IL1RAPL1: variants seen among roughly 807,000 people sequenced by gnomAD.
The protein encoded by IL1RAPL1 is interleukin 1 receptor accessory protein like 1.
In IL1RAPL1, 3 loss-of-function variants were observed where a neutral mutation model predicts 48.4. That is an observed-to-expected ratio of 0.06 (90% confidence interval 0.03 to 0.16). IL1RAPL1 has a LOEUF of 0.16. IL1RAPL1 is among the 10% of genes least tolerant of loss of function. The pLI, the probability that IL1RAPL1 is intolerant of heterozygous loss-of-function variation, is 1.00. For synonymous variants in IL1RAPL1, 185 were observed against 187.7 expected (o/e 0.99, Z 0.12); for missense variants, 349 against 530.6 (o/e 0.66, Z 3.36).
chrX:29,761,440 A>G (rs1483583169), intron 6 of IL1RAPL1, among the ~76,000 whole-genome samples: 1 of 111,762 alleles, frequency 8.9e-6, no homozygotes, highest in Non-Finnish European at 1.9e-5. Flanking sequence ...CAATCACACA[A>G]CATATTATAG....
chrX:29,162,231 G>A (rs1929699829), intron 2 of IL1RAPL1, among the ~76,000 whole-genome samples: 1 of 110,867 alleles, frequency 9.0e-6, no homozygotes, highest in African/African-American at 3.3e-5. Context: ...AGGGGAGGGA[G>A]AGCATTAGGA....
chrX:29,579,432 TGA>T (rs1922887647), intron 5 of IL1RAPL1, among the ~76,000 whole-genome samples: 1 of 111,927 alleles, frequency 8.9e-6, no homozygotes, highest in Admixed American at 9.5e-5. Flanking sequence ...TTAGTAATTA[TGA>T]GAATTGAACT....
intron 6 of IL1RAPL1, among the ~76,000 whole-genome samples, chrX:29,715,749 A>T (rs1208931836): frequency 8.9e-6 from 1 of 111,921 alleles, no homozygotes; most frequent in Non-Finnish European, 1.9e-5. Flanking sequence ...AGGAGACGTG[A>T]TATGAGACTT....
At chrX:29,612,917 G>C (rs1924137709) in intron 5 of IL1RAPL1, among the ~76,000 whole-genome samples, 1 of 111,963 alleles carries the variant, frequency 8.9e-6, no homozygotes, top group East Asian at 2.8e-4. Context: ...AACTGTCCTA[G>C]GTACTGAGAA....
intron 3 of IL1RAPL1, among the ~76,000 whole-genome samples, chrX:29,333,430 A>G (rs1391813400): frequency 3.1e-4 from 25 of 79,849 alleles, no homozygotes; most frequent in South Asian, 7.1e-4. Flanking sequence ...TCCCTCCCGG[A>G]CGGGGCGGCT....
chrX:29,446,670 A>G (rs1934615844), intron 5 of IL1RAPL1, among the ~76,000 whole-genome samples: 1 of 111,921 alleles, frequency 8.9e-6, no homozygotes, highest in African/African-American at 3.2e-5. Flanking sequence ...AAAGCACCTG[A>G]CAATTTATTG....
chrX:28,858,372 A>G (rs1034336804), intron 2 of IL1RAPL1, among the ~76,000 whole-genome samples: 2 of 112,126 alleles, frequency 1.8e-5, no homozygotes, highest in African/African-American at 6.5e-5. Flanking sequence ...CTTATCAAAC[A>G]GCATTGCATG....
intron 2 of IL1RAPL1, among the ~76,000 whole-genome samples, chrX:29,097,859 A>G: frequency 8.9e-6 from 1 of 112,219 alleles, no homozygotes; most frequent in East Asian, 2.8e-4. Flanking sequence ...GGCAAAGCAA[A>G]CCTGCTAAAG....
chrX:29,457,414 C>G (rs147894478), intron 5 of IL1RAPL1, among the ~76,000 whole-genome samples: 15 of 110,854 alleles, frequency 1.4e-4, no homozygotes, highest in Non-Finnish European at 2.5e-4. Flanking sequence ...AGTTTAGCTC[C>G]CATTTATACG....
intron 2 of IL1RAPL1, among the ~76,000 whole-genome samples, chrX:28,794,158 T>C (rs1936585040): frequency 9.0e-6 from 1 of 111,352 alleles, no homozygotes; most frequent in African/African-American, 3.3e-5. Flanking sequence ...GCAAAAGATA[T>C]AACCCGGAAT....
intron 2 of IL1RAPL1, among the ~76,000 whole-genome samples, chrX:29,097,262 C>G (rs1249946709): frequency 8.9e-6 from 1 of 111,878 alleles, no homozygotes; most frequent in Non-Finnish European, 1.9e-5. Flanking sequence ...GTAACCCTGC[C>G]CTACCTGGCA....
intron 6 of IL1RAPL1, among the ~76,000 whole-genome samples, chrX:29,820,184 CAT>C (rs1258664509): frequency 9.3e-6 from 1 of 107,157 alleles, no homozygotes. Flanking sequence ...TAATATAAAC[CAT>C]ATACATGGTA....
intron 3 of IL1RAPL1, 42 bp downstream of exon 3, chrX:29,283,259 AG>A: frequency 8.6e-7 from 1 of 1,156,733 alleles, no homozygotes; most frequent in Non-Finnish European, 1.2e-6. Flanking sequence ...AAGAAAGCAC[AG>A]GCTGCTTTCT....
At chrX:29,374,408 C>T (rs1198075453) in intron 3 of IL1RAPL1, among the ~76,000 whole-genome samples, 1 of 103,064 alleles carries the variant, frequency 9.7e-6, no homozygotes, top group African/African-American at 3.6e-5. Context: ...TGGGCTCAAG[C>T]AATTGAGGAG....
intron 2 of IL1RAPL1, among the ~76,000 whole-genome samples, chrX:28,792,816 A>AAT (rs1555924328): frequency 0.016 from 166 of 10,099 alleles, 4 homozygotes; most frequent in Middle Eastern, 0.091. Flanking sequence ...AAAAAAAAAA[A>AAT]ATATATATAT....
chrX:29,374,877 T>C (rs1245930221), intron 3 of IL1RAPL1, among the ~76,000 whole-genome samples: 3 of 110,755 alleles, frequency 2.7e-5, no homozygotes, highest in Non-Finnish European at 5.7e-5. Context: ...TCAAGATCAG[T>C]TGCAAATTGA....
intron 2 of IL1RAPL1, among the ~76,000 whole-genome samples, chrX:29,085,563 T>G (rs1196181173): frequency 1.8e-5 from 2 of 112,045 alleles, no homozygotes; most frequent in Non-Finnish European, 3.8e-5. Flanking sequence ...ACATAGTAAG[T>G]GTATAATTGC....
chrX:28,980,713 G>C (rs762063780), intron 2 of IL1RAPL1, among the ~76,000 whole-genome samples: 1 of 110,407 alleles, frequency 9.1e-6, no homozygotes. Context: ...ATTTTGTACA[G>C]CATATACATT....
At chrX:29,083,044 A>G (rs1435001750) in intron 2 of IL1RAPL1, among the ~76,000 whole-genome samples, 1 of 112,036 alleles carries the variant, frequency 8.9e-6, no homozygotes, top group African/African-American at 3.2e-5. Context: ...GTCATAAATC[A>G]CTGTCCTTGT....
Sources: gnomAD v4.1 joint callset for allele counts (sites outside exome capture counted in the v4.1 genomes callset) on GRCh38, gnomAD v4.1.1 for gene constraint, MANE v1.5 for transcripts, NCBI Gene and HGNC (gene_info 2026-07-23, HGNC 2026-07-21) for gene names.